SLCO1B1: variants seen among roughly 807,000 people sequenced by gnomAD.
SLCO1B1 encodes solute carrier organic anion transporter family member 1B1, also known as OATP-2.
SLCO1B1 carries 81 observed loss-of-function variants against 70.1 expected under a neutral mutation model. The ratio of observed to expected loss-of-function variants is 1.16; its 90% confidence interval spans 0.97 to 1.39. The LOEUF (loss-of-function observed/expected upper bound fraction) is 1.39. Ranked by LOEUF, SLCO1B1 falls within the 40% of genes most tolerant of loss-of-function variation. The pLI, the probability that SLCO1B1 is intolerant of heterozygous loss-of-function variation, is 0.00. For synonymous variants in SLCO1B1, 283 were observed against 271.5 expected (o/e 1.04, Z -0.42); for missense variants, 895 against 799.6 (o/e 1.12, Z -1.44).
At chr12:21,132,774 C>T (rs898821626) in intron 1 of SLCO1B1, among the ~76,000 whole-genome samples, 6 of 151,758 alleles carry the variant, frequency 4.0e-5, no homozygotes, top group East Asian at 2.0e-4. Flanking sequence ...TTCTCCCATT[C>T]TGTAGGTTGC....
chr12:21,220,656 C>T (rs770891503), intron 12 of SLCO1B1, among the ~76,000 whole-genome samples: 5 of 151,834 alleles, frequency 3.3e-5, no homozygotes, highest in African/African-American at 7.3e-5. Context: ...TAGGAAAGAG[C>T]GTTGTCCTCA....
intron 14 of SLCO1B1, among the ~76,000 whole-genome samples, chr12:21,238,418 G>A (rs12369881): frequency 0.19 from 28,026 of 151,184 alleles, 2,928 homozygotes; most frequent in East Asian, 0.45. Context: ...AAATTTCCAC[G>A]TCCCGGACAT....
intron 7 of SLCO1B1, among the ~76,000 whole-genome samples, chr12:21,191,202 A>T (rs1260050214): frequency 6.6e-6 from 1 of 151,960 alleles, no homozygotes; most frequent in Non-Finnish European, 1.5e-5. Context: ...TAGGTATTGT[A>T]TTGAATCTTT....
intron 1 of SLCO1B1, among the ~76,000 whole-genome samples, chr12:21,138,627 T>G (rs4149018): frequency 0.046 from 6,936 of 152,164 alleles, 484 homozygotes; most frequent in East Asian, 0.32. Flanking sequence ...GAAATAGTAT[T>G]TTTCTGGGGA....
At chr12:21,214,572 A>C (rs982854961) in intron 11 of SLCO1B1, among the ~76,000 whole-genome samples, 86 of 150,566 alleles carry the variant, frequency 5.7e-4, no homozygotes, top group African/African-American at 1.6e-3. Flanking sequence ...GGCCTCCTTG[A>C]GCTGTGGTGG....
At chr12:21,204,132 G>A (rs576846874) in intron 10 of SLCO1B1, among the ~76,000 whole-genome samples, 12 of 151,884 alleles carry the variant, frequency 7.9e-5, no homozygotes, top group African/African-American at 2.2e-4. Flanking sequence ...CCTGCGACTG[G>A]GATAAGTTTT....
chr12:21,217,345 A>G lies in SLCO1B1; in HGVS notation c.1682+42A>G, dbSNP rs760123842. ...AAAACATTTTCATATGCATGAGACT[A>G]TAAACACACCTAATGATATGCATAT... On this transcript the variant is annotated intron_variant, in intron 12 of 14. Transcript: ENST00000256958. The G allele has an allele frequency of 6.3e-6, 9 of 1,430,012 alleles. No individual in the cohort carries two copies. In the African/African-American group the frequency reaches 1.1e-4, roughly 18 times the overall value. The allele number at this position is 1,430,012 out of a possible 1,614,324, so 88.6% of individuals were successfully genotyped here.
chr12:21,151,598 CAATGTT>C (rs1940471712), intron 2 of SLCO1B1, among the ~76,000 whole-genome samples: 1 of 152,054 alleles, frequency 6.6e-6, no homozygotes, highest in Non-Finnish European at 1.5e-5. Context: ...ATTTCTCCTC[CAATGTT>C]TTCCTTGCTT....
At chr12:21,194,929 G>A (rs1030843017) in intron 7 of SLCO1B1, among the ~76,000 whole-genome samples, 3 of 152,144 alleles carry the variant, frequency 2.0e-5, no homozygotes, top group African/African-American at 7.2e-5. Flanking sequence ...CACATGTTGA[G>A]AGAAAGAGCA....
In SLCO1B1 at chr12:21,176,801, A is replaced by G. The variant is rs759691773; in HGVS notation, c.385A>G (p.Ile129Val). 8 of 1,540,666 alleles carry G rather than the reference A, an allele frequency of 5.2e-6. No individual in the cohort carries two copies. Among genetic ancestry groups the G allele is most frequent in the Non-Finnish European group, 5.4e-6 (6 of 1,114,270 alleles). Residue 129 changes from isoleucine to valine, a missense_variant, in exon 5 of 15, where the codon ATC becomes GTC. By Grantham distance (29) the Ile-to-Val change is conservative. Coordinates refer to ENST00000256958, the MANE Select transcript of SLCO1B1 (RefSeq NM_006446.5). ...GYYRYSKETN[I>V]NSSENSTSTL... The stretch of plus-strand genomic sequence containing the variant: ...TTACAGGTATTCTAAAGAAACTAAT[A>G]TCAATTCATCAGAAAATTCAACATC...
At chr12:21,178,818 C>G in intron 6 of SLCO1B1, 96 bp downstream of exon 6, 7 of 1,375,374 alleles carry the variant, frequency 5.1e-6, no homozygotes, top group Non-Finnish European at 7.2e-6. Context: ...CCTATTAGAA[C>G]ATATATTTGG....
intron 2 of SLCO1B1, among the ~76,000 whole-genome samples, chr12:21,163,961 A>G (rs1179676832): frequency 6.6e-6 from 1 of 152,016 alleles, no homozygotes; most frequent in African/African-American, 2.4e-5. Flanking sequence ...AAAATGTAAC[A>G]GCCAGAATAA....
intron 2 of SLCO1B1, among the ~76,000 whole-genome samples, chr12:21,163,156 A>T (rs552527722): frequency 6.6e-6 from 1 of 152,262 alleles, no homozygotes; most frequent in Admixed American, 6.5e-5. Flanking sequence ...TATTTTAATT[A>T]TACTTATTTA....
At chr12:21,134,955 T>C (rs1940196982) in intron 1 of SLCO1B1, among the ~76,000 whole-genome samples, 1 of 152,192 alleles carries the variant, frequency 6.6e-6, no homozygotes, top group Non-Finnish European at 1.5e-5. Flanking sequence ...TTTCCTGCTT[T>C]CTCTTGTGGG....
chr12:21,222,411 TATATATATATATATATAC>T (rs1393641518), intron 13 of SLCO1B1, 47 bp downstream of exon 13: 3 of 165,926 alleles, frequency 1.8e-5, no homozygotes, highest in South Asian at 2.5e-4. Context: ...TATATATATA[TATATATATATATATATAC>T]ACACACACAT....
At chr12:21,221,654 C>G (rs944116214) in intron 12 of SLCO1B1, among the ~76,000 whole-genome samples, 2 of 151,986 alleles carry the variant, frequency 1.3e-5, no homozygotes, top group African/African-American at 4.8e-5. Flanking sequence ...AAACATATGA[C>G]AAAATGCTCA....
At chr12:21,171,236 A>C (rs1940752838) in intron 2 of SLCO1B1, among the ~76,000 whole-genome samples, 1 of 152,224 alleles carries the variant, frequency 6.6e-6, no homozygotes, top group Non-Finnish European at 1.5e-5. Context: ...ATGTCAAGTG[A>C]AAAGCAAGAA....
At chr12:21,137,931 A>G (rs889277930) in intron 1 of SLCO1B1, among the ~76,000 whole-genome samples, 2 of 152,156 alleles carry the variant, frequency 1.3e-5, no homozygotes, top group Non-Finnish European at 1.5e-5. Context: ...TGTGTTGCTC[A>G]TGCTGGGAGC....
chr12:21,132,213 A>G (rs1216885033), intron 1 of SLCO1B1, among the ~76,000 whole-genome samples: 1 of 152,092 alleles, frequency 6.6e-6, no homozygotes, highest in African/African-American at 2.4e-5. Context: ...TGTGTGCCAC[A>G]TTTTCTTAAT....
Sources: allele counts gnomAD v4.1 joint callset (sites outside exome capture counted in the v4.1 genomes callset), GRCh38; gene constraint gnomAD v4.1.1; transcripts MANE v1.5; gene names NCBI Gene and HGNC (gene_info 2026-07-23, HGNC 2026-07-21).